The following MCUR1 variants were observed in gnomAD, a reference collection of about 807,000 sequenced individuals.
MCUR1 encodes MCU regulator 1.
Under a neutral mutation model 42.0 loss-of-function variants are expected in MCUR1, and 37 were observed. The ratio of observed to expected loss-of-function variants is 0.88; its 90% CI spans 0.68 to 1.16. The LOEUF is 1.16. Among genes scored for constraint, MCUR1 ranks in the 50% most tolerant of loss-of-function variants. The pLI, the probability that MCUR1 is intolerant of heterozygous loss-of-function variation, is 0.00. For synonymous variants in MCUR1, 229 were observed against 196.2 expected, an observed-to-expected ratio of 1.17 and a Z score of -1.40; for missense variants, 469 against 468.4, an observed-to-expected ratio of 1.00 and a Z score of -0.01.
Position 13,807,051 on chromosome 6 carries a change from TG to T in MCUR1, c.416-8del, listed in dbSNP as rs1456629202. 1 of 1,596,638 alleles carries T rather than the reference TG, an allele frequency of 6.3e-7. No individual in the cohort carries two copies. The highest frequency in any genetic ancestry group is 8.5e-7 in the Non-Finnish European group (1 of 1,170,468). ...CCAGCAGACAAGCTTAGCTCTAGGG[TG>T]GAAAGGACAGTAAGCTCAAAACAGA... On this transcript the variant is annotated splice_region_variant and splice_polypyrimidine_tract_variant and intron_variant, in intron 1 of 8. Coordinates refer to ENST00000379170, the MANE Select transcript of MCUR1 (RefSeq NM_001031713.4).
chr6:13,792,027 C>T (rs1163356796), intron 7 of MCUR1, 35 bp from the exon 8 acceptor site: 1 of 1,513,210 alleles, frequency 6.6e-7, no homozygotes, highest in Non-Finnish European at 9.2e-7. Context: ...CGTTAGACCA[C>T]AGCACGTCCC....
chr6:13,812,866 G>A (rs1190315585), intron 1 of MCUR1, among the ~76,000 whole-genome samples: 1 of 152,084 alleles, frequency 6.6e-6, no homozygotes, highest in Non-Finnish European at 1.5e-5. Flanking sequence ...TCAACAATAT[G>A]CTATCTAATA....
chr6:13,786,754 A>T lies in MCUR1; in HGVS notation c.*4055T>A, dbSNP rs1440506365. 1 of 152,204 alleles carries T rather than the reference A, an allele frequency of 6.6e-6. No homozygotes were observed. The highest frequency in any genetic ancestry group is 1.5e-5 in the Non-Finnish European group (1 of 68,044). 9.4% of individuals were successfully genotyped at this position (152,204 alleles called of 1,614,324 possible). On this transcript the variant is annotated 3_prime_UTR_variant, in exon 9 of 9. Transcript: ENST00000379170. Reference sequence around the variant, plus strand: ...AGAATTAAATATTTTAGATAGTAAGAATCTTACACTTTATTAGATAATAAA... The same window carrying T: ...AGAATTAAATATTTTAGATAGTAAGTATCTTACACTTTATTAGATAATAAA...
In MCUR1 at chr6:13,797,056, A is replaced by T. The variant is rs539823893; in HGVS notation, c.855+1777T>A. Among the ~76,000 whole-genome samples the T allele has an allele frequency of 3.9e-5, 6 of 152,350 alleles. No individual in the cohort carries two copies. In the South Asian group the frequency reaches 1.2e-3, roughly 32 times the overall value. ...TAGAAAGACAGGTAACACAGCCTTA[A>T]TAATTATTTTGTATAACGAAGCTTG... On this transcript the variant is annotated intron_variant, in intron 6 of 8. Transcript: ENST00000379170.
At position 13,801,392 on chromosome 6, in the gene MCUR1, AG is replaced by A; in HGVS notation, c.640-4del. 1 of 1,600,656 alleles carries A rather than the reference AG, an allele frequency of 6.2e-7. No homozygotes were observed. Among genetic ancestry groups the A allele is most frequent in the South Asian group, 1.1e-5 (1 of 90,724 alleles). On this transcript the variant is annotated splice_region_variant and splice_polypyrimidine_tract_variant and intron_variant, in intron 3 of 8. Coordinates refer to ENST00000379170, the MANE Select transcript of MCUR1 (RefSeq NM_001031713.4). ...ATTACTTGCTGAAAAGTGATTTCCT[AG>A]GAAAAGAAAAACAAAACACATAATC...
At chr6:13,793,374 C>T (rs1316599971) in intron 7 of MCUR1, among the ~76,000 whole-genome samples, 2 of 152,096 alleles carry the variant, frequency 1.3e-5, no homozygotes, top group Non-Finnish European at 2.9e-5. Flanking sequence ...ACACAAGTGC[C>T]CTTGACAGAC....
chr6:13,791,438 G>A (rs999364788), intron 8 of MCUR1, among the ~76,000 whole-genome samples: 1 of 152,114 alleles, frequency 6.6e-6, no homozygotes, highest in Non-Finnish European at 1.5e-5. Flanking sequence ...TGGTTAATTT[G>A]GGTGGGGGGT....
At chr6:13,809,252 A>G (rs1318644806) in intron 1 of MCUR1, among the ~76,000 whole-genome samples, 3 of 152,206 alleles carry the variant, frequency 2.0e-5, no homozygotes, top group Non-Finnish European at 4.4e-5. Context: ...ATGTCTTTCC[A>G]TTTATTTAGG....
intron 1 of MCUR1, among the ~76,000 whole-genome samples, chr6:13,813,626 C>G (rs1561738449): frequency 6.6e-6 from 1 of 152,206 alleles, no homozygotes; most frequent in Non-Finnish European, 1.5e-5. Context: ...CCCTTCATTT[C>G]CCAGAGCTTT....
In MCUR1 at chr6:13,787,573, A is replaced by C. The variant is rs1202537766; in HGVS notation, c.*3236T>G. On this transcript the variant is annotated 3_prime_UTR_variant, in exon 9 of 9. Coordinates refer to ENST00000379170, the MANE Select transcript of MCUR1 (RefSeq NM_001031713.4). Reference sequence around the variant, plus strand: ...AAGGCAGGGGAGGGGAGAGAAGAAAAGGAGGAATGCAGAGAAGCCCTCCAA... The same window carrying C: ...AAGGCAGGGGAGGGGAGAGAAGAAACGGAGGAATGCAGAGAAGCCCTCCAA... 1 of 152,210 alleles carries C rather than the reference A, an allele frequency of 6.6e-6. No homozygotes were observed. 9.4% of individuals were successfully genotyped at this position (152,210 alleles called of 1,614,324 possible).
intron 6 of MCUR1, among the ~76,000 whole-genome samples, chr6:13,794,383 A>T (rs147359695): frequency 1.3e-4 from 20 of 152,276 alleles, no homozygotes; most frequent in Non-Finnish European, 1.8e-4. Context: ...CCTGGGGACC[A>T]ATTTCGAAGG....
chr6:13,796,567 T>A (rs1229918467), intron 6 of MCUR1, among the ~76,000 whole-genome samples: 1 of 152,178 alleles, frequency 6.6e-6, no homozygotes, highest in African/African-American at 2.4e-5. Context: ...ATTACAGGTG[T>A]GAGCCACCAT....
rs1561731847 is a variant in MCUR1, at chr6:13,799,240, C to A, written c.784-336G>T. On this transcript the variant is annotated intron_variant, in intron 5 of 8. Coordinates refer to ENST00000379170, the MANE Select transcript of MCUR1 (RefSeq NM_001031713.4). Reference sequence around the variant, plus strand: ...TCACTCTGTCAACCAGGCTGGAGTGCAATGGGGTGATCTCTGCTCACGCAA... The same window carrying A: ...TCACTCTGTCAACCAGGCTGGAGTGAAATGGGGTGATCTCTGCTCACGCAA... 1.3e-5 allele frequency among the ~76,000 whole-genome samples: 2 copies of A among 150,404 alleles called. 1 individual carries two copies. Among genetic ancestry groups the A allele is most frequent in the East Asian group, 3.9e-4 (2 of 5,092 alleles).
At position 13,814,331 on chromosome 6, in the gene MCUR1, G is replaced by A; in HGVS notation, c.99C>T (p.Gly33=). 1 of 1,508,754 alleles carries A rather than the reference G, an allele frequency of 6.6e-7. No homozygotes were observed. The highest frequency in any genetic ancestry group is 8.8e-7 in the Non-Finnish European group (1 of 1,135,412). The allele number at this position is 1,508,754 out of a possible 1,614,324, so 93.5% of individuals were successfully genotyped here. A position where few individuals can be genotyped will look rare whatever the true frequency, so the allele number is the denominator to read the frequency against. ...GGCAGCGGCGTGCTGAGGTTTCGCT[G>A]CCGCCCGGTCTTCCGCTGAGGCCCA... The part of the protein sequence containing the change: ...LPVGLSGRPG[G]SETSARRCLS... The change falls in exon 1 of 9, where the codon GGC becomes GGT. Residue 33 remains glycine, a synonymous_variant. Coordinates refer to ENST00000379170, the MANE Select transcript of MCUR1 (RefSeq NM_001031713.4).
chr6:13,801,261 T>G, intron 4 of MCUR1, 27 bp downstream of exon 4: 1 of 1,443,038 alleles, frequency 6.9e-7, no homozygotes, highest in Non-Finnish European at 9.7e-7. Context: ...ATAATCAACT[T>G]TCTAAGTGTG....
intron 8 of MCUR1, among the ~76,000 whole-genome samples, chr6:13,791,312 G>T (rs2095278417): frequency 6.6e-6 from 1 of 152,190 alleles, no homozygotes; most frequent in Admixed American, 6.5e-5. Flanking sequence ...CTATGTATAT[G>T]CACTATAGAG....
chr6:13,803,288 C>T (rs371481062), intron 2 of MCUR1, among the ~76,000 whole-genome samples: 11 of 152,182 alleles, frequency 7.2e-5, no homozygotes, highest in East Asian at 5.8e-4. Flanking sequence ...CTCGAACTCC[C>T]GACCTCAGGT....
At chr6:13,808,317 G>C (rs1291037890) in intron 1 of MCUR1, among the ~76,000 whole-genome samples, 2 of 152,082 alleles carry the variant, frequency 1.3e-5, no homozygotes, top group Non-Finnish European at 2.9e-5. Flanking sequence ...ACAGACTAAG[G>C]CAAAGTCCTT....
At position 13,800,993 on chromosome 6, in the gene MCUR1, T is replaced by A. The variant is rs748743254; in HGVS notation, c.741+295A>T. Among the ~76,000 whole-genome samples the A allele has an allele frequency of 1.1e-3, 165 of 152,056 alleles. 1 individual carries two copies. The highest frequency in any genetic ancestry group is 1.7e-3 in the Non-Finnish European group (119 of 68,012). Reference sequence around the variant, plus strand: ...TTAAGACTATAGACAATGAAAAAAATGATCTCTTGCTACAAGACACACAGT... The same window carrying A: ...TTAAGACTATAGACAATGAAAAAAAAGATCTCTTGCTACAAGACACACAGT... On this transcript the variant is annotated intron_variant, in intron 4 of 8. Transcript: ENST00000379170.
Sources: allele counts gnomAD v4.1 joint callset (sites outside exome capture counted in the v4.1 genomes callset), GRCh38; gene constraint gnomAD v4.1.1; transcripts MANE v1.5; gene names NCBI Gene and HGNC (gene_info 2026-07-23, HGNC 2026-07-21).